Variants in GRM5 observed in about 807,000 individuals in gnomAD.
GRM5 encodes glutamate metabotropic receptor 5.
A neutral mutation model predicts 83.1 loss-of-function variants in GRM5; 19 were observed. That is an observed-to-expected ratio of 0.23 (90% CI 0.16 to 0.34). The LOEUF (loss-of-function observed/expected upper bound fraction) is 0.34. Ranked by LOEUF, GRM5 falls within the 10% of genes least tolerant of loss-of-function variation. The probability of loss-of-function intolerance (pLI) is 1.00; values close to 1 mark genes in which losing one functional copy is unlikely to be tolerated. For missense variants in GRM5, 1,160 were observed against 1,588.3 expected (o/e 0.73, Z 4.58); for synonymous variants, 675 against 633.6 (o/e 1.07, Z -0.98).
At chr11:88,984,377 G>T (rs759393030) in intron 2 of GRM5, among the ~76,000 whole-genome samples, 37 of 152,068 alleles carry the variant, frequency 2.4e-4, no homozygotes, top group Non-Finnish European at 1.9e-4. Flanking sequence ...ACAGTAATAG[G>T]CTGTACAGAT....
chr11:88,798,845 A>T (rs1276229957), intron 3 of GRM5, among the ~76,000 whole-genome samples: 1 of 151,356 alleles, frequency 6.6e-6, no homozygotes, highest in African/African-American at 2.4e-5. Flanking sequence ...AACAACAAAA[A>T]AAAACTGCAA....
At chr11:88,677,818 GAA>G (rs1456904405) in intron 3 of GRM5, among the ~76,000 whole-genome samples, 1 of 152,040 alleles carries the variant, frequency 6.6e-6, no homozygotes, top group East Asian at 1.9e-4. Context: ...TTAATTATAA[GAA>G]AGAGACATCT....
At chr11:88,884,022 C>A (rs1309610662) in intron 2 of GRM5, among the ~76,000 whole-genome samples, 1 of 152,140 alleles carries the variant, frequency 6.6e-6, no homozygotes, top group Admixed American at 6.5e-5. Flanking sequence ...AGGCCCCACA[C>A]AGAGTCCCCA....
At chr11:88,880,211 A>G (rs952456434) in intron 2 of GRM5, among the ~76,000 whole-genome samples, 1 of 152,160 alleles carries the variant, frequency 6.6e-6, no homozygotes, top group Non-Finnish European at 1.5e-5. Flanking sequence ...AGAGAAAAGG[A>G]GCATGAAATA....
intron 9 of GRM5, among the ~76,000 whole-genome samples, chr11:88,515,590 TTAAG>T (rs1303793492): frequency 6.6e-6 from 1 of 152,182 alleles, no homozygotes; most frequent in East Asian, 1.9e-4. Context: ...TGTACAATTA[TTAAG>T]TGTCAACTAA....
At chr11:88,810,926 T>G (rs767916345) in intron 3 of GRM5, among the ~76,000 whole-genome samples, 1 of 152,128 alleles carries the variant, frequency 6.6e-6, no homozygotes, top group African/African-American at 2.4e-5. Context: ...TTAGGAAATC[T>G]GGTTGTGCTA....
chr11:88,536,198 A>G (rs888639118), intron 8 of GRM5, among the ~76,000 whole-genome samples: 2 of 152,052 alleles, frequency 1.3e-5, no homozygotes, highest in African/African-American at 4.8e-5. Context: ...CATATATTGA[A>G]GAATTGGCAT....
intron 4 of GRM5, among the ~76,000 whole-genome samples, chr11:88,648,330 A>G (rs1303210876): frequency 1.3e-5 from 2 of 148,888 alleles, no homozygotes; most frequent in African/African-American, 2.5e-5. Flanking sequence ...GCCATAAAAA[A>G]TGATGAGTTC....
At chr11:88,950,707 T>C (rs947434518) in intron 2 of GRM5, among the ~76,000 whole-genome samples, 3 of 152,176 alleles carry the variant, frequency 2.0e-5, no homozygotes, top group African/African-American at 4.8e-5. Flanking sequence ...TATTATCCTC[T>C]CCTTATTGCA....
At chr11:88,699,320 G>A (rs1193342435) in intron 3 of GRM5, among the ~76,000 whole-genome samples, 1 of 152,150 alleles carries the variant, frequency 6.6e-6, no homozygotes, top group Non-Finnish European at 1.5e-5. Flanking sequence ...CGTGGAATCA[G>A]ATCCCAAGCA....
chr11:88,820,187 T>G (rs1004736630), intron 3 of GRM5, among the ~76,000 whole-genome samples: 1 of 150,714 alleles, frequency 6.6e-6, no homozygotes, highest in African/African-American at 2.5e-5. Context: ...GAGACCATTC[T>G]GGGTAACACA....
intron 3 of GRM5, among the ~76,000 whole-genome samples, chr11:88,776,262 C>G (rs939647035): frequency 6.6e-6 from 1 of 151,966 alleles, no homozygotes; most frequent in Non-Finnish European, 1.5e-5. Flanking sequence ...AGGATTGCAA[C>G]CCCTGTTTTT....
At chr11:88,757,673 C>T (rs771693205) in intron 3 of GRM5, among the ~76,000 whole-genome samples, 4 of 152,124 alleles carry the variant, frequency 2.6e-5, no homozygotes, top group Non-Finnish European at 5.9e-5. Flanking sequence ...CGCTGTCTCC[C>T]CCACTGCTAC....
intron 3 of GRM5, among the ~76,000 whole-genome samples, chr11:88,714,400 A>G (rs918065114): frequency 1.3e-5 from 2 of 152,006 alleles, no homozygotes; most frequent in Non-Finnish European, 2.9e-5. Flanking sequence ...GCAAAATGTG[A>G]CATCTACATC....
chr11:89,025,139 A>G (rs1220294142), intron 2 of GRM5, among the ~76,000 whole-genome samples: 1 of 152,214 alleles, frequency 6.6e-6, no homozygotes, highest in African/African-American at 2.4e-5. Context: ...GAGTACTGGC[A>G]TAAGGAAAAA....
At chr11:88,519,950 A>C (rs1356831525) in intron 9 of GRM5, among the ~76,000 whole-genome samples, 5 of 152,132 alleles carry the variant, frequency 3.3e-5, no homozygotes, top group African/African-American at 7.2e-5. Flanking sequence ...TTTATAGAAA[A>C]TTGATATTAA....
At chr11:88,966,042 C>A (rs894094880) in intron 2 of GRM5, among the ~76,000 whole-genome samples, 12 of 151,958 alleles carry the variant, frequency 7.9e-5, no homozygotes, top group Non-Finnish European at 1.8e-4. Flanking sequence ...AAAAATCATA[C>A]AAAGTATATT....
At chr11:89,040,736 C>T (rs1941511492) in intron 2 of GRM5, among the ~76,000 whole-genome samples, 1 of 144,852 alleles carries the variant, frequency 6.9e-6, no homozygotes, top group Admixed American at 7.0e-5. Context: ...GGGAGAGAGA[C>T]AAAGAAAAGG....
chr11:88,708,156 T>A (rs1002775160), intron 3 of GRM5, among the ~76,000 whole-genome samples: 10 of 152,204 alleles, frequency 6.6e-5, no homozygotes, highest in African/African-American at 2.2e-4. Context: ...AAAATAAATA[T>A]GATGACAAGA....
Sources: allele counts gnomAD v4.1 joint callset (sites outside exome capture counted in the v4.1 genomes callset), GRCh38; gene constraint gnomAD v4.1.1; transcripts MANE v1.5; gene names NCBI Gene and HGNC (gene_info 2026-07-23, HGNC 2026-07-21).